Variants in CPSF7 observed in about 807,000 individuals in gnomAD.
The protein encoded by CPSF7 is cleavage and polyadenylation specific factor 7.
CPSF7 carries 1 observed loss-of-function variant against 44.3 expected under a neutral mutation model. That is an observed-to-expected ratio of 0.02 (90% CI 0.01 to 0.11). The LOEUF (loss-of-function observed/expected upper bound fraction) is 0.11, where lower values mean the gene tolerates loss of function less well. Ranked by LOEUF, CPSF7 falls within the 10% of genes least tolerant of loss-of-function variation. The pLI is 1.00. For missense variants in CPSF7, 443 were observed against 607.2 expected (o/e 0.73, Z 2.84); for synonymous variants, 202 against 222.0 (o/e 0.91, Z 0.80).
Position 61,404,720 on chromosome 11 carries a change from CAGA to C in CPSF7, c.*6-19_*6-17del, listed in dbSNP as rs1859146877. ...AACCAGACTCCTGCAATGAGAACAT[CAGA>C]AGAAAAGAAAGAAAACACAAGTTAG... On this transcript the variant is annotated splice_polypyrimidine_tract_variant and intron_variant, in intron 9 of 9. Transcript: ENST00000439958. The C allele has an allele frequency of 6.6e-6, 1 of 152,116 alleles. No individual in the cohort carries two copies. Among genetic ancestry groups the C allele is most frequent in the South Asian group, 2.1e-4 (1 of 4,836 alleles). The allele number at this position is 152,116 out of a possible 1,614,324, so 9.4% of individuals were successfully genotyped here. A position where few individuals can be genotyped will look rare whatever the true frequency, so the allele number is the denominator to read the frequency against.
chr11:61,405,472 C>T (rs576361801), intron 9 of CPSF7, among the ~76,000 whole-genome samples: 4 of 152,228 alleles, frequency 2.6e-5, no homozygotes, highest in African/African-American at 9.6e-5. Flanking sequence ...ATGGAAGAAA[C>T]CTAAATGCAG....
Position 61,429,280 on chromosome 11 carries a change from G to C in CPSF7, c.-45C>G. The C allele has an allele frequency of 1.9e-6, 3 of 1,609,100 alleles. No individual in the cohort carries two copies. Among genetic ancestry groups the C allele is most frequent in the Non-Finnish European group, 2.6e-6 (3 of 1,175,538 alleles). On this transcript the variant is annotated 5_prime_UTR_variant, in exon 2 of 10. Coordinates refer to ENST00000439958, the MANE Select transcript of CPSF7 (RefSeq NM_001142565.3). ...CGAGTCCGGAGGATGGACAAAGTAA[G>C]GAAGATGCCACTGCGGGATTCGGAA...
At chr11:61,419,905 A>G in intron 5 of CPSF7, 44 bp downstream of exon 5, 6 of 1,573,200 alleles carry the variant, frequency 3.8e-6, no homozygotes, top group Non-Finnish European at 4.3e-6. Flanking sequence ...CCCCTCATAC[A>G]GATGGTCTCC....
In CPSF7 at chr11:61,429,723, C is replaced by T. The variant is rs749217907; in HGVS notation, c.-56+191G>A. ...CCCAACCCAGGCCTACTCTTCGCCC[C>T]CAGCTAGGCCCGCCCCGCTCCCTCC... On this transcript the variant is annotated intron_variant, in intron 1 of 9. Transcript: ENST00000439958. The T allele has an allele frequency of 4.0e-5, 62 of 1,540,078 alleles. 1 individual carries two copies. The South Asian group carries it at 7.3e-4, about 18-fold the overall frequency.
At chr11:61,421,640 T>C (rs376369624) in intron 2 of CPSF7, 32 bp from the exon 3 acceptor site, 2 of 1,469,720 alleles carry the variant, frequency 1.4e-6, no homozygotes, top group Non-Finnish European at 1.9e-6. Flanking sequence ...AAGGTAGGTC[T>C]GCAAACTTCA....
chr11:61,429,710 C>A, intron 1 of CPSF7: 1 of 1,533,366 alleles, frequency 6.5e-7, no homozygotes, highest in Non-Finnish European at 8.8e-7. Context: ...CAACCCAGGC[C>A]TACTCTTCGC....
In CPSF7 at chr11:61,429,953, C is replaced by T. The variant is rs1288626853; in HGVS notation, c.-95G>A. 1.5e-6 allele frequency: 2 copies of T among 1,360,338 alleles called. No homozygotes were observed. The highest frequency in any genetic ancestry group is 2.0e-6 in the Non-Finnish European group (2 of 1,012,486). The allele number at this position is 1,360,338 out of a possible 1,614,324, so 84.3% of individuals were successfully genotyped here. Reference sequence around the variant, plus strand: ...CGGCGGCGGCGAGTCCGGACTAGGCCCGAAGCGCGCGAACCGCTCTCCGCC... The same window carrying T: ...CGGCGGCGGCGAGTCCGGACTAGGCTCGAAGCGCGCGAACCGCTCTCCGCC... On this transcript the variant is annotated 5_prime_UTR_variant, in exon 1 of 10. Transcript: ENST00000439958.
intron 4 of CPSF7, 82 bp downstream of exon 4, chr11:61,420,387 TA>T: frequency 7.6e-7 from 1 of 1,319,402 alleles, no homozygotes; most frequent in South Asian, 1.3e-5. Context: ...TGGGAGTGAT[TA>T]AAATCCAGGG....
chr11:61,405,260 T>C lies in CPSF7; in HGVS notation c.*6-556A>G, dbSNP rs116439910. On this transcript the variant is annotated intron_variant, in intron 9 of 9. Coordinates refer to ENST00000439958, the MANE Select transcript of CPSF7 (RefSeq NM_001142565.3). The stretch of plus-strand genomic sequence containing the variant: ...CATACACAGGAAACTCTTAAATCCT[T>C]CTTTTTTCTTTTTAAAGGAGTCCTG... Among the ~76,000 whole-genome samples, 345 of 152,282 alleles carry C rather than the reference T, an allele frequency of 2.3e-3. 1 individual carries two copies. The highest frequency in any genetic ancestry group is 7.8e-3 in the African/African-American group (326 of 41,560).
At chr11:61,428,351 G>T (rs1235654213) in intron 2 of CPSF7, among the ~76,000 whole-genome samples, 3 of 151,024 alleles carry the variant, frequency 2.0e-5, no homozygotes, top group African/African-American at 4.9e-5. Context: ...TCTCGTTGTT[G>T]TTTTTTTTTA....
chr11:61,412,035 A>G, intron 7 of CPSF7, 98 bp from the exon 8 acceptor site: 1 of 1,070,632 alleles, frequency 9.3e-7, no homozygotes. Context: ...AAGAGTAGCT[A>G]GCCGTCCCAA....
intron 5 of CPSF7, among the ~76,000 whole-genome samples, chr11:61,417,938 T>G (rs1860489925): frequency 6.6e-6 from 1 of 152,008 alleles, no homozygotes; most frequent in African/African-American, 2.4e-5. Flanking sequence ...CACAATCTTT[T>G]CAGCAAAAAA....
chr11:61,429,618 C>A (rs1287938820), intron 1 of CPSF7: 6 of 942,742 alleles, frequency 6.4e-6, no homozygotes, highest in Non-Finnish European at 9.4e-6. Flanking sequence ...CCCGCAGCCC[C>A]TATCCGCTGC....
At position 61,411,801 on chromosome 11, in the gene CPSF7, G is replaced by A; in HGVS notation, c.1194C>T (p.Ser398=). 6.2e-7 allele frequency: 1 copy of A among 1,613,622 alleles called. No individual in the cohort carries two copies. Among genetic ancestry groups the A allele is most frequent in the South Asian group, 1.1e-5 (1 of 91,056 alleles). Residue 398 remains serine (S), a synonymous_variant, in exon 8 of 10, where the codon TCC becomes TCT. Transcript: ENST00000439958. ...AGCTCCCACTGGCACCCACACTGTA[G>A]GACTTGGCTTCGATGCCATGAAGAC... ...KDCLHGIEAK[S]YSVGASGSSS... is the part of the protein sequence containing the mutation.
chr11:61,412,694 G>A (rs1859962642), intron 7 of CPSF7, among the ~76,000 whole-genome samples: 1 of 152,204 alleles, frequency 6.6e-6, no homozygotes, highest in Non-Finnish European at 1.5e-5. Context: ...AAAAAAGCAG[G>A]AGGTAAACCT....
rs1359418206 is a variant in CPSF7 at position 61,411,040 on chromosome 11, T to C, written c.1292A>G (p.Asp431Gly). ...ATGCCGATCTTCATTATGAAGCAGA[T>C]CCCGGTGCCTCCTGCTGCTCTCCCG... The part of the protein sequence containing the change: ...RSRESSRRHR[D>G]LLHNEDRHDD... The change falls in exon 9 of 10, where the codon GAT (aspartate) becomes GGT (glycine). Residue 431 changes from aspartate to glycine, a missense_variant. Physicochemically the swap from Asp to Gly is moderately conservative, Grantham distance 94. Transcript: ENST00000439958. 6.2e-7 allele frequency: 1 copy of C among 1,613,658 alleles called. No individual in the cohort carries two copies. The highest frequency in any genetic ancestry group is 8.5e-7 in the Non-Finnish European group (1 of 1,179,972).
chr11:61,412,029 G>T, intron 7 of CPSF7, 92 bp from the exon 8 acceptor site: 1 of 1,131,860 alleles, frequency 8.8e-7, no homozygotes, highest in South Asian at 1.4e-5. Flanking sequence ...CAAACCAAGA[G>T]TAGCTAGCCG....
At chr11:61,429,316 A>G in intron 1 of CPSF7, 26 bp from the exon 2 acceptor site, 1 of 1,382,860 alleles carries the variant, frequency 7.2e-7, no homozygotes. Context: ...AAATGCAAGA[A>G]TTAGAAGGCA....
intron 2 of CPSF7, 88 bp downstream of exon 2, chr11:61,429,094 C>T (rs1018336158): frequency 1.3e-6 from 1 of 798,362 alleles, no homozygotes; most frequent in Non-Finnish European, 2.2e-6. Context: ...AAGCCTAGGA[C>T]TGGTACAGCT....
Sources: allele counts gnomAD v4.1 joint callset (sites outside exome capture counted in the v4.1 genomes callset), GRCh38; gene constraint gnomAD v4.1.1; transcripts MANE v1.5; gene names NCBI Gene and HGNC (gene_info 2026-07-23, HGNC 2026-07-21).